KCTD16: variants seen among roughly 807,000 people sequenced by gnomAD.
KCTD16 encodes potassium channel tetramerization domain containing 16, also known as BTB/POZ domain-containing protein KCTD16.
KCTD16 carries 13 observed loss-of-function variants against 33.2 expected under a neutral mutation model. The ratio of observed to expected loss-of-function variants is 0.39; its 90% CI spans 0.25 to 0.62. The LOEUF (loss-of-function observed/expected upper bound fraction) is 0.62. Among genes scored for constraint, KCTD16 ranks in the 20% least tolerant of loss-of-function variants. The pLI, the probability that KCTD16 is intolerant of heterozygous loss-of-function variation, is 0.50. For synonymous variants in KCTD16, 197 were observed against 195.3 expected (o/e 1.01, Z -0.07); for missense variants, 441 against 525.1 (o/e 0.84, Z 1.57).
In KCTD16 at chr5:144,209,787, AAT is replaced by A. The variant is rs10628313; in HGVS notation, c.832+2258_832+2259del. Among the ~76,000 whole-genome samples, 1,233 of 141,004 alleles carry A rather than the reference AAT, an allele frequency of 8.7e-3. 17 individuals carry two copies. The highest frequency in any genetic ancestry group is 0.03 in the African/African-American group (1,122 of 37,946). 92.5% of individuals were successfully genotyped at this position (141,004 alleles called of 152,430 possible). A position where few individuals can be genotyped will look rare whatever the true frequency, so the allele number is the denominator to read the frequency against. On this transcript the variant is annotated intron_variant, in intron 3 of 3. Coordinates refer to ENST00000512467, the MANE Select transcript of KCTD16 (RefSeq NM_020768.4). ...CAACTTCCTCCTGGGCTTAGGGGGA[AAT>A]ATATATATATATATATTTATATGTG...
At chr5:144,386,822 A>G (rs1374248589) in intron 3 of KCTD16, among the ~76,000 whole-genome samples, 1 of 152,260 alleles carries the variant, frequency 6.6e-6, no homozygotes, top group African/African-American at 2.4e-5. Flanking sequence ...AGAACTAACA[A>G]TAACAACTCA....
intron 3 of KCTD16, among the ~76,000 whole-genome samples, chr5:144,379,422 C>T (rs1752162352): frequency 6.6e-6 from 1 of 152,046 alleles, no homozygotes; most frequent in Admixed American, 6.6e-5. Flanking sequence ...TATAAATAAG[C>T]TTTGTGACTA....
At chr5:144,365,561 A>G (rs985098136) in intron 3 of KCTD16, among the ~76,000 whole-genome samples, 1 of 152,202 alleles carries the variant, frequency 6.6e-6, no homozygotes, top group Non-Finnish European at 1.5e-5. Context: ...AACAAAACCA[A>G]TAGGGATCAA....
intron 3 of KCTD16, among the ~76,000 whole-genome samples, chr5:144,460,743 T>G (rs1022109651): frequency 6.6e-6 from 1 of 152,212 alleles, no homozygotes; most frequent in Non-Finnish European, 1.5e-5. Context: ...CAGGCCCATC[T>G]TTCTTACTAG....
chr5:144,201,190 TAATA>T (rs1753038692), intron 2 of KCTD16, among the ~76,000 whole-genome samples: 1 of 152,214 alleles, frequency 6.6e-6, no homozygotes, highest in Admixed American at 6.5e-5. Context: ...CATAGGCACT[TAATA>T]AATCCATGTA....
chr5:144,283,714 A>T (rs1755667968), intron 3 of KCTD16, among the ~76,000 whole-genome samples: 1 of 152,198 alleles, frequency 6.6e-6, no homozygotes, highest in African/African-American at 2.4e-5. Flanking sequence ...TCCTTGATGG[A>T]AATGAGAAAG....
intron 3 of KCTD16, among the ~76,000 whole-genome samples, chr5:144,353,511 T>C (rs1165393687): frequency 6.6e-6 from 1 of 152,184 alleles, no homozygotes; most frequent in East Asian, 1.9e-4. Flanking sequence ...GAGCTTAATA[T>C]ACTGAATTTA....
intron 3 of KCTD16, among the ~76,000 whole-genome samples, chr5:144,457,079 T>C (rs1048815437): frequency 2.2e-4 from 34 of 152,240 alleles, no homozygotes; most frequent in African/African-American, 8.0e-4. Context: ...GGAGAAGTGA[T>C]AATCCCTTAA....
At chr5:144,233,498 G>T (rs1012889817) in intron 3 of KCTD16, among the ~76,000 whole-genome samples, 1 of 152,142 alleles carries the variant, frequency 6.6e-6, no homozygotes, top group Non-Finnish European at 1.5e-5. Flanking sequence ...ATGTCTGAGA[G>T]TTGCATGGCA....
intron 3 of KCTD16, among the ~76,000 whole-genome samples, chr5:144,438,876 G>A (rs990218599): frequency 9.9e-5 from 15 of 152,106 alleles, no homozygotes; most frequent in African/African-American, 3.6e-4. Flanking sequence ...GTTGATCTAA[G>A]CCAAAAAGCC....
chr5:144,470,137 A>G (rs537812562), intron 3 of KCTD16, among the ~76,000 whole-genome samples: 2 of 152,138 alleles, frequency 1.3e-5, no homozygotes, highest in South Asian at 4.1e-4. Flanking sequence ...TAAGGTATTT[A>G]TGAGATCGTT....
intron 3 of KCTD16, among the ~76,000 whole-genome samples, chr5:144,430,352 A>G (rs1753430449): frequency 6.6e-6 from 1 of 152,100 alleles, no homozygotes; most frequent in African/African-American, 2.4e-5. Context: ...TAAGGAAAGG[A>G]GTGGGGTAAG....
intron 3 of KCTD16, among the ~76,000 whole-genome samples, chr5:144,368,230 T>C (rs943043338): frequency 1.3e-5 from 2 of 152,044 alleles, no homozygotes; most frequent in Non-Finnish European, 2.9e-5. Context: ...CAGAAGGGAA[T>C]TTGCAGGTGA....
chr5:144,200,448 A>T (rs981551756), intron 2 of KCTD16, among the ~76,000 whole-genome samples: 3 of 152,234 alleles, frequency 2.0e-5, no homozygotes, highest in African/African-American at 7.2e-5. Context: ...CTTTCTTGCC[A>T]GGCTTTACGT....
At chr5:144,275,936 T>G (rs1186768378) in intron 3 of KCTD16, among the ~76,000 whole-genome samples, 1 of 152,238 alleles carries the variant, frequency 6.6e-6, no homozygotes, top group Non-Finnish European at 1.5e-5. Flanking sequence ...GGTTGGGTAT[T>G]CTATCCTGAC....
In KCTD16 at chr5:144,425,876, T is replaced by C. The variant is rs191777139; in HGVS notation, c.833-47784T>C. Among the ~76,000 whole-genome samples, 256 of 152,258 alleles carry C rather than the reference T, an allele frequency of 1.7e-3. 2 individuals carry two copies. Among genetic ancestry groups the C allele is most frequent in the African/African-American group, 5.9e-3 (246 of 41,556 alleles). ...GCCTCAGAGATCTTTGAAATGACTT[T>C]TTTAAGGTCTTTCTCCCATTGTCTT... On this transcript the variant is annotated intron_variant, in intron 3 of 3. Coordinates refer to ENST00000512467, the MANE Select transcript of KCTD16 (RefSeq NM_020768.4).
chr5:144,209,908 G>GTATATATA (rs145389174), intron 3 of KCTD16, among the ~76,000 whole-genome samples: 1 of 142,338 alleles, frequency 7.0e-6, no homozygotes, highest in South Asian at 2.2e-4. Flanking sequence ...GTATATATAT[G>GTATATATA]TATATATATA....
At chr5:144,201,634 A>G (rs973335261) in intron 2 of KCTD16, among the ~76,000 whole-genome samples, 1 of 152,180 alleles carries the variant, frequency 6.6e-6, no homozygotes. Flanking sequence ...AGGTCTTTTT[A>G]TTGCCACCAT....
intron 3 of KCTD16, among the ~76,000 whole-genome samples, chr5:144,407,843 C>T (rs1561596714): frequency 6.6e-6 from 1 of 152,158 alleles, no homozygotes; most frequent in Non-Finnish European, 1.5e-5. Context: ...TGGCTTCCAG[C>T]TTCAACCATG....
Sources: gnomAD v4.1 joint callset for allele counts (sites outside exome capture counted in the v4.1 genomes callset) on GRCh38, gnomAD v4.1.1 for gene constraint, MANE v1.5 for transcripts, NCBI Gene and HGNC (gene_info 2026-07-23, HGNC 2026-07-21) for gene names.